Variants in VGLL4 observed in about 807,000 individuals in gnomAD.
VGLL4 encodes the protein transcription cofactor vestigial-like protein 4.
A neutral mutation model predicts 21.0 loss-of-function variants in VGLL4; 7 were observed. The ratio of observed to expected loss-of-function variants is 0.33; its 90% CI spans 0.19 to 0.63. The LOEUF (loss-of-function observed/expected upper bound fraction) is 0.63, where lower values mean the gene tolerates loss of function less well. Ranked by LOEUF, VGLL4 falls within the 20% of genes least tolerant of loss-of-function variation. The pLI is 0.78. For missense variants in VGLL4, 394 were observed against 425.7 expected (o/e 0.93, Z 0.66); for synonymous variants, 222 against 173.2 (o/e 1.28, Z -2.21).
intron 1 of VGLL4, among the ~76,000 whole-genome samples, chr3:11,718,851 T>C (rs184641797): frequency 6.6e-6 from 1 of 152,130 alleles, no homozygotes; most frequent in East Asian, 1.9e-4. Flanking sequence ...CTAGCAAACA[T>C]ACAGCACCGA....
intron 2 of VGLL4, among the ~76,000 whole-genome samples, chr3:11,676,016 C>T (rs1201422020): frequency 2.6e-5 from 4 of 152,182 alleles, no homozygotes; most frequent in Non-Finnish European, 1.5e-5. Context: ...CTTAGTTACA[C>T]ACCATATGTG....
intron 2 of VGLL4, among the ~76,000 whole-genome samples, chr3:11,667,852 T>A (rs1172520980): frequency 1.6e-5 from 2 of 124,702 alleles, no homozygotes; most frequent in Non-Finnish European, 3.3e-5. Context: ...CTTTTTTTTT[T>A]TTTTTTTTTT....
chr3:11,577,590 C>T (rs2074092282), intron 2 of VGLL4, among the ~76,000 whole-genome samples: 1 of 152,152 alleles, frequency 6.6e-6, no homozygotes, highest in African/African-American at 2.4e-5. Flanking sequence ...AAGACCCCAC[C>T]CCCCAAAAAA....
intron 2 of VGLL4, among the ~76,000 whole-genome samples, chr3:11,584,317 T>C (rs966567141): frequency 2.6e-5 from 4 of 151,932 alleles, no homozygotes; most frequent in African/African-American, 9.7e-5. Flanking sequence ...GAAAACATCA[T>C]TCAAGTTCTC....
chr3:11,716,250 T>G (rs960506021), intron 1 of VGLL4, among the ~76,000 whole-genome samples: 1 of 144,614 alleles, frequency 6.9e-6, no homozygotes, highest in Non-Finnish European at 1.5e-5. Context: ...TGCAGTGAGC[T>G]GAGATCGCGC....
intron 2 of VGLL4, chr3:11,671,525 G>C (rs1475564568): frequency 1.7e-6 from 1 of 600,578 alleles, no homozygotes; most frequent in African/African-American, 1.8e-5. Flanking sequence ...CTGCCCTGCA[G>C]AGCCCACCTG....
chr3:11,701,195 G>C (rs555882394), intron 2 of VGLL4, among the ~76,000 whole-genome samples: 1 of 152,094 alleles, frequency 6.6e-6, no homozygotes, highest in Non-Finnish European at 1.5e-5. Flanking sequence ...TGAATGGCAC[G>C]GTGATGAGTG....
rs1353187508 is a variant in VGLL4, at chr3:11,571,113, A to C, written c.273-6094T>G. ...GGCAAGAAGTGTGTCGTGGGCAGGA[A>C]AAAGCTGGCAAAATACCGGCATTCG... On this transcript the variant is annotated intron_variant, in intron 2 of 4. Coordinates refer to ENST00000430365, the MANE Select transcript of VGLL4 (RefSeq NM_001128219.3). Among the ~76,000 whole-genome samples the C allele has an allele frequency of 3.9e-5, 6 of 152,286 alleles. No homozygotes were observed. The Middle Eastern group carries it at 0.017, about 432-fold the overall frequency.
intron 1 of VGLL4, among the ~76,000 whole-genome samples, chr3:11,617,826 G>A (rs1041722455): frequency 6.6e-6 from 1 of 152,192 alleles, no homozygotes; most frequent in Non-Finnish European, 1.5e-5. Flanking sequence ...TCCACAGGTT[G>A]ATCTAACAAA....
chr3:11,564,800 C>T lies in VGLL4; in HGVS notation c.492G>A (p.Gln164=), dbSNP rs957099461. The T allele has an allele frequency of 3.9e-6, 6 of 1,553,824 alleles. No homozygotes were observed. The African/African-American group carries it at 6.8e-5, about 18-fold the overall frequency. Residue 164 remains glutamine (Q), a synonymous_variant, in exon 3 of 5, where the codon CAG becomes CAA. Coordinates refer to ENST00000430365, the MANE Select transcript of VGLL4 (RefSeq NM_001128219.3). ...LSPTLTPGER[Q]QNRPSVITCA... is the part of the protein sequence containing the mutation. ...ACCCTCCCAGACAGAGGCCCACCTG[C>T]TGCCGCTCCCCCGGGGTCAGTGTGG...
At chr3:11,562,710 C>A (rs2073136533) in intron 3 of VGLL4, among the ~76,000 whole-genome samples, 1 of 152,266 alleles carries the variant, frequency 6.6e-6, no homozygotes, top group African/African-American at 2.4e-5. Flanking sequence ...CATGTGCTGA[C>A]AGCAGCCACG....
At chr3:11,595,160 TCAAA>T (rs370686701) in intron 2 of VGLL4, among the ~76,000 whole-genome samples, 48 of 121,466 alleles carry the variant, frequency 4.0e-4, no homozygotes, top group African/African-American at 6.5e-4. Flanking sequence ...AAACTCCATC[TCAAA>T]CAAACAAACA....
At chr3:11,636,158 A>C (rs1269567603) in intron 1 of VGLL4, among the ~76,000 whole-genome samples, 1 of 152,220 alleles carries the variant, frequency 6.6e-6, no homozygotes, top group African/African-American at 2.4e-5. Flanking sequence ...TCTAAGGGGA[A>C]AATGTCCAGA....
chr3:11,573,354 A>AG (rs1553723213), intron 2 of VGLL4, among the ~76,000 whole-genome samples: 1 of 101,746 alleles, frequency 9.8e-6, no homozygotes, highest in Non-Finnish European at 2.5e-5. Context: ...AAAGAAAGAA[A>AG]GAAAGAAAGA....
Position 11,568,677 on chromosome 3 carries a change from G to C in VGLL4, c.273-3658C>G, listed in dbSNP as rs779128262. 8.9e-5 allele frequency: 138 copies of C among 1,554,470 alleles called. No homozygotes were observed. The highest frequency in any genetic ancestry group is 1.2e-4 in the Non-Finnish European group (135 of 1,148,384). ...TTTTCCAGGCCCCGCTCGCCCGGAT[G>C]AATCACCTCCCGGCCACTGCTTCCC... On this transcript the variant is annotated intron_variant, in intron 2 of 4. Transcript: ENST00000430365. The surrounding 1 kb of genome is among the most constrained non-coding windows in gnomAD (Gnocchi z 5.9).
intron 1 of VGLL4, among the ~76,000 whole-genome samples, chr3:11,622,726 C>T (rs562579287): frequency 1.6e-4 from 24 of 152,344 alleles, no homozygotes; most frequent in East Asian, 7.7e-4. Context: ...ATTCTCTCTG[C>T]GCCATTAACC....
At chr3:11,642,451 G>A (rs1404558435) in intron 1 of VGLL4, among the ~76,000 whole-genome samples, 2 of 152,132 alleles carry the variant, frequency 1.3e-5, no homozygotes, top group Non-Finnish European at 2.9e-5. Flanking sequence ...TCTTTTTCAA[G>A]AGAAATGTCC....
chr3:11,673,915 G>A (rs1023642329), intron 2 of VGLL4, among the ~76,000 whole-genome samples: 5 of 150,438 alleles, frequency 3.3e-5, no homozygotes, highest in South Asian at 4.2e-4. Flanking sequence ...AGGAGGCTGA[G>A]GCAGGAGAAT....
In VGLL4 at chr3:11,565,891, C is replaced by T. The variant is rs373368354; in HGVS notation, c.273-872G>A. On this transcript the variant is annotated intron_variant, in intron 2 of 4. Coordinates refer to ENST00000430365, the MANE Select transcript of VGLL4 (RefSeq NM_001128219.3). The surrounding 1 kb of genome is among the most constrained non-coding windows in gnomAD (Gnocchi z 4.1). ...ACCCTCCCTGCTTTATTCCAGGGGTCCCACAGTTCCATCTGCCTTGGGTCT... is the reference window on the plus strand; with the variant it reads ...ACCCTCCCTGCTTTATTCCAGGGGTTCCACAGTTCCATCTGCCTTGGGTCT... 6.6e-5 allele frequency among the ~76,000 whole-genome samples: 10 copies of T among 152,208 alleles called. No individual in the cohort carries two copies. The highest frequency in any genetic ancestry group is 1.9e-4 in the East Asian group (1 of 5,200).
Sources: allele counts gnomAD v4.1 joint callset (sites outside exome capture counted in the v4.1 genomes callset), GRCh38; gene constraint gnomAD v4.1.1; non-coding constraint Gnocchi (gnomAD v3.1); transcripts MANE v1.5; gene names NCBI Gene and HGNC (gene_info 2026-07-23, HGNC 2026-07-21).